RSRC1: variants seen among roughly 807,000 people sequenced by gnomAD.
The protein encoded by RSRC1 is serine/Arginine-related protein 53.
A neutral mutation model predicts 49.1 loss-of-function variants in RSRC1; 39 were observed. The observed-to-expected ratio is 0.79, with a 90% confidence interval of 0.61 to 1.04. The LOEUF (loss-of-function observed/expected upper bound fraction) is 1.04, where lower values mean the gene tolerates loss of function less well. Among genes scored for constraint, RSRC1 ranks in the 50% least tolerant of loss-of-function variants. The pLI is 0.00. For synonymous variants in RSRC1, 143 were observed against 130.8 expected (o/e 1.09, Z -0.63); for missense variants, 388 against 402.4 (o/e 0.96, Z 0.31).
At chr3:158,530,370 C>G (rs1265500086) in intron 7 of RSRC1, among the ~76,000 whole-genome samples, 1 of 151,796 alleles carries the variant, frequency 6.6e-6, no homozygotes, top group Admixed American at 6.6e-5. Flanking sequence ...TCTGAAATAC[C>G]ACCATGTCAG....
chr3:158,173,194 G>T lies in RSRC1; in HGVS notation c.321-29878G>T, dbSNP rs148252526. 2.0e-5 allele frequency among the ~76,000 whole-genome samples: 3 copies of T among 151,850 alleles called. No homozygotes were observed. The East Asian group carries it at 5.8e-4, about 29-fold the overall frequency. Reference sequence around the variant, plus strand: ...ATAATTATATAAATATACTTTATATGCATTTAAACATAGACTGGATTATTT... The same window carrying T: ...ATAATTATATAAATATACTTTATATTCATTTAAACATAGACTGGATTATTT... On this transcript the variant is annotated intron_variant, in intron 3 of 9. Coordinates refer to ENST00000611884, the MANE Select transcript of RSRC1 (RefSeq NM_001271838.2).
intron 3 of RSRC1, among the ~76,000 whole-genome samples, chr3:158,190,297 T>G (rs1458096939): frequency 2.0e-5 from 3 of 152,028 alleles, no homozygotes; most frequent in African/African-American, 7.2e-5. Context: ...AGGACTGTTC[T>G]TGCATTATGA....
At chr3:158,450,284 T>TTA (rs1234171114) in intron 6 of RSRC1, among the ~76,000 whole-genome samples, 2 of 151,756 alleles carry the variant, frequency 1.3e-5, no homozygotes, top group Admixed American at 6.6e-5. Flanking sequence ...ATGAAAGTTT[T>TTA]TATTTTTGGA....
intron 6 of RSRC1, among the ~76,000 whole-genome samples, chr3:158,449,943 A>G (rs890162963): frequency 6.6e-6 from 1 of 151,944 alleles, no homozygotes; most frequent in Non-Finnish European, 1.5e-5. Flanking sequence ...GGTTCATTGC[A>G]ACTATAATTG....
In RSRC1 at chr3:158,507,184, A is replaced by G. The variant is rs530334012; in HGVS notation, c.653-29908A>G. 5.3e-5 allele frequency among the ~76,000 whole-genome samples: 8 copies of G among 152,296 alleles called. No homozygotes were observed. In the South Asian group the frequency reaches 1.7e-3, roughly 32 times the overall value. On this transcript the variant is annotated intron_variant, in intron 7 of 9. Transcript: ENST00000611884. ...ATGTTGTCAATCACATGTGGGAGCTAAAAGGGTAGATCTCATGGAGGTAGA... is the reference window on the plus strand; with the variant it reads ...ATGTTGTCAATCACATGTGGGAGCTGAAAGGGTAGATCTCATGGAGGTAGA...
At chr3:158,111,124 A>AT (rs1458756035) in intron 1 of RSRC1, among the ~76,000 whole-genome samples, 1 of 152,230 alleles carries the variant, frequency 6.6e-6, no homozygotes, top group Non-Finnish European at 1.5e-5. Context: ...ATGTATTATA[A>AT]AAGTTCTAAG....
chr3:158,417,532 T>G (rs1232152514), intron 6 of RSRC1, among the ~76,000 whole-genome samples: 1 of 151,988 alleles, frequency 6.6e-6, no homozygotes, highest in Non-Finnish European at 1.5e-5. Context: ...AAAACGGTTT[T>G]CACTATGGAA....
chr3:158,452,268 A>G (rs1419083719), intron 6 of RSRC1, among the ~76,000 whole-genome samples: 1 of 152,174 alleles, frequency 6.6e-6, no homozygotes, highest in African/African-American at 2.4e-5. Context: ...TTTGTTCACT[A>G]ATACTATACA....
chr3:158,157,776 A>T (rs1218062674), intron 3 of RSRC1, among the ~76,000 whole-genome samples: 3 of 152,112 alleles, frequency 2.0e-5, no homozygotes, highest in Non-Finnish European at 4.4e-5. Context: ...TTAGCCGGGC[A>T]TGGTGGCACA....
Position 158,354,848 on chromosome 3 carries a change from CT to C in RSRC1, c.532-3del, listed in dbSNP as rs1560007698. The C allele has an allele frequency of 2.1e-6, 3 of 1,454,568 alleles. No individual in the cohort carries two copies. Among genetic ancestry groups the C allele is most frequent in the Admixed American group, 2.6e-5 (1 of 38,104 alleles). 90.1% of individuals were successfully genotyped at this position (1,454,568 alleles called of 1,614,324 possible). A position where few individuals can be genotyped will look rare whatever the true frequency, so the allele number is the denominator to read the frequency against. Reference sequence around the variant, plus strand: ...TGTATGGTTGAATTTTTTTTTTTTTCTTTTTTAGCCACCAGCTGAACAGGCC... The same window carrying C: ...TGTATGGTTGAATTTTTTTTTTTTTCTTTTTAGCCACCAGCTGAACAGGCC... On this transcript the variant is annotated splice_region_variant and splice_polypyrimidine_tract_variant and intron_variant, in intron 5 of 9. Transcript: ENST00000611884.
chr3:158,278,761 T>G (rs1230427746), intron 4 of RSRC1, among the ~76,000 whole-genome samples: 1 of 152,232 alleles, frequency 6.6e-6, no homozygotes, highest in Non-Finnish European at 1.5e-5. Flanking sequence ...GGTAAATGGC[T>G]TTCATTGATT....
rs1465675309 is a variant in RSRC1 at position 158,487,955 on chromosome 3, A to G, written c.652+26952A>G. 5.0e-4 allele frequency among the ~76,000 whole-genome samples: 72 copies of G among 143,342 alleles called. 1 individual carries two copies. Among genetic ancestry groups the G allele is most frequent in the South Asian group, 2.9e-3 (13 of 4,520 alleles). The allele number at this position is 143,342 out of a possible 152,430, so 94.0% of individuals were successfully genotyped here. A position where few individuals can be genotyped will look rare whatever the true frequency, so the allele number is the denominator to read the frequency against. On this transcript the variant is annotated intron_variant, in intron 7 of 9. Transcript: ENST00000611884. The stretch of plus-strand genomic sequence containing the variant: ...ACAAGAGACTCCATCTCAAGAAAAA[A>G]AAAAAAAAAAAAAAAAAAACTGGCT...
In RSRC1 at chr3:158,455,152, G is replaced by A. The variant is rs1031824303; in HGVS notation, c.584-5783G>A. On this transcript the variant is annotated intron_variant, in intron 6 of 9. Transcript: ENST00000611884. ...TCCATGTTTGTATAGTCATCTGAAC[G>A]TGATTGGGCTTTGATTTCCTCTAAT... is the stretch of plus-strand genomic sequence containing the variant. Among the ~76,000 whole-genome samples the A allele has an allele frequency of 7.2e-5, 11 of 152,244 alleles. No individual in the cohort carries two copies. In the East Asian group the frequency reaches 2.1e-3, roughly 29 times the overall value.
intron 7 of RSRC1, among the ~76,000 whole-genome samples, chr3:158,494,194 C>A (rs1739208043): frequency 1.3e-5 from 2 of 152,144 alleles, no homozygotes; most frequent in African/African-American, 4.8e-5. Flanking sequence ...CTACACACCT[C>A]AACTATATGG....
Position 158,539,476 on chromosome 3 carries a change from G to A in RSRC1, c.759+2278G>A, listed in dbSNP as rs1712910539. Among the ~76,000 whole-genome samples the A allele has an allele frequency of 6.6e-6, 1 of 152,046 alleles. No homozygotes were observed. Among genetic ancestry groups the A allele is most frequent in the African/African-American group, 2.4e-5 (1 of 41,418 alleles). On this transcript the variant is annotated intron_variant, in intron 8 of 9. Transcript: ENST00000611884. This position sits in a 1 kb window ranked among gnomAD's most constrained non-coding sequence, Gnocchi z 4.1. The stretch of plus-strand genomic sequence containing the variant: ...CAGCTTGTTTTCAAACTTAGTATGA[G>A]TTATTCAACCCTAATGTTGTTGTAT...
intron 7 of RSRC1, among the ~76,000 whole-genome samples, chr3:158,499,898 T>C (rs1342641904): frequency 6.6e-6 from 1 of 152,156 alleles, no homozygotes; most frequent in Non-Finnish European, 1.5e-5. Context: ...CTTCGAGTAC[T>C]ATGTTGAAGA....
intron 6 of RSRC1, among the ~76,000 whole-genome samples, chr3:158,436,332 A>G (rs1294501101): frequency 6.6e-6 from 1 of 152,006 alleles, no homozygotes; most frequent in Non-Finnish European, 1.5e-5. Flanking sequence ...GTTGTTGAAT[A>G]TTATGAGTGT....
chr3:158,354,235 C>T (rs1011955348), intron 5 of RSRC1, among the ~76,000 whole-genome samples: 6 of 152,038 alleles, frequency 3.9e-5, no homozygotes, highest in South Asian at 2.1e-4. Flanking sequence ...GTGATCCACC[C>T]GCCTCGGCCT....
intron 7 of RSRC1, among the ~76,000 whole-genome samples, chr3:158,526,462 C>A (rs187020701): frequency 8.6e-5 from 13 of 152,018 alleles, no homozygotes; most frequent in East Asian, 1.9e-4. Context: ...AAGGCACTTG[C>A]AAACACAACA....
Sources: allele counts gnomAD v4.1 joint callset (sites outside exome capture counted in the v4.1 genomes callset), GRCh38; gene constraint gnomAD v4.1.1; non-coding constraint Gnocchi (gnomAD v3.1); transcripts MANE v1.5; gene names NCBI Gene and HGNC (gene_info 2026-07-23, HGNC 2026-07-21).